The following DLG2 variants were observed in gnomAD, a reference collection of about 807,000 sequenced individuals.
The protein encoded by DLG2 is discs large MAGUK scaffold protein 2.
DLG2 carries 45 observed loss-of-function variants against 132.5 expected under a neutral mutation model. The ratio of observed to expected loss-of-function variants is 0.34; its 90% CI spans 0.27 to 0.44. The LOEUF (loss-of-function observed/expected upper bound fraction) is 0.44. Ranked by LOEUF, DLG2 falls within the 20% of genes least tolerant of loss-of-function variation. DLG2 has a pLI of 1.00. For missense variants in DLG2, 1,045 were observed against 1,196.9 expected (o/e 0.87, Z 1.87); for synonymous variants, 424 against 419.6 (o/e 1.01, Z -0.13).
At chr11:85,511,720 G>A (rs1231966772) in intron 3 of DLG2, among the ~76,000 whole-genome samples, 2 of 80,832 alleles carry the variant, frequency 2.5e-5, no homozygotes, top group African/African-American at 9.4e-5. Flanking sequence ...AATGTTTGAA[G>A]TTTCTTTTTT....
At chr11:84,636,807 G>A (rs1436852183) in intron 6 of DLG2, among the ~76,000 whole-genome samples, 2 of 147,348 alleles carry the variant, frequency 1.4e-5, no homozygotes, top group East Asian at 4.0e-4. Flanking sequence ...TTTAGAGGGC[G>A]TTTTGCTCTT....
chr11:83,973,193 T>C (rs1015777096), intron 12 of DLG2, among the ~76,000 whole-genome samples: 4 of 152,224 alleles, frequency 2.6e-5, no homozygotes, highest in Middle Eastern at 3.4e-3. Flanking sequence ...TAGTAATATA[T>C]ATGTAATTTA....
At chr11:83,672,882 G>T (rs2077062552) in intron 18 of DLG2, among the ~76,000 whole-genome samples, 1 of 152,134 alleles carries the variant, frequency 6.6e-6, no homozygotes, top group African/African-American at 2.4e-5. Flanking sequence ...CCAACATGGT[G>T]AAACCCGTCT....
chr11:84,055,237 A>C (rs12806160), intron 11 of DLG2, among the ~76,000 whole-genome samples: 123,778 of 151,622 alleles, frequency 0.82, 51,443 homozygotes, highest in Non-Finnish European at 0.92. Context: ...ACACCACCAT[A>C]TATTTTACCA....
At chr11:85,424,417 C>T (rs528656506) in intron 3 of DLG2, among the ~76,000 whole-genome samples, 10 of 152,312 alleles carry the variant, frequency 6.6e-5, no homozygotes, top group African/African-American at 1.4e-4. Flanking sequence ...GAGCTGCAAT[C>T]TAGTCCTACC....
intron 3 of DLG2, among the ~76,000 whole-genome samples, chr11:85,491,755 AATAAATAGAGAG>A (rs1393431174): frequency 6.6e-6 from 1 of 152,152 alleles, no homozygotes; most frequent in Admixed American, 6.6e-5. Flanking sequence ...GGAAGTCACA[AATAAATAGAGAG>A]ATATCCTATG....
chr11:85,511,815 C>T (rs1414259676), intron 3 of DLG2, among the ~76,000 whole-genome samples: 1 of 151,190 alleles, frequency 6.6e-6, no homozygotes, highest in Non-Finnish European at 1.5e-5. Flanking sequence ...AACTCCTGGG[C>T]TTAAGTGATC....
chr11:85,074,760 C>T (rs1025378907), intron 6 of DLG2, among the ~76,000 whole-genome samples: 1 of 151,834 alleles, frequency 6.6e-6, no homozygotes, highest in Non-Finnish European at 1.5e-5. Context: ...TAACTTCATG[C>T]TTTTGTGCGG....
At chr11:85,038,905 T>C (rs1292067840) in intron 6 of DLG2, among the ~76,000 whole-genome samples, 1 of 151,986 alleles carries the variant, frequency 6.6e-6, no homozygotes, top group African/African-American at 2.4e-5. Flanking sequence ...ATTTTTAAAA[T>C]ACCTTTTTTT....
chr11:84,810,516 C>T (rs1003840000), intron 6 of DLG2, among the ~76,000 whole-genome samples: 14 of 152,150 alleles, frequency 9.2e-5, no homozygotes, highest in African/African-American at 1.9e-4. Context: ...GAAACTGGAT[C>T]GCTCACATTC....
intron 14 of DLG2, among the ~76,000 whole-genome samples, chr11:83,935,230 G>T (rs2081194924): frequency 6.6e-6 from 1 of 152,158 alleles, no homozygotes; most frequent in Non-Finnish European, 1.5e-5. Context: ...AAAAAGGATT[G>T]TAACTTTAAA....
chr11:84,500,007 T>C (rs1017712725), intron 7 of DLG2, among the ~76,000 whole-genome samples: 20 of 152,286 alleles, frequency 1.3e-4, no homozygotes, highest in Admixed American at 4.6e-4. Flanking sequence ...AAGAATTGTA[T>C]TATTTTTCTG....
chr11:84,899,750 T>C (rs1374278413), intron 6 of DLG2, among the ~76,000 whole-genome samples: 3 of 152,110 alleles, frequency 2.0e-5, no homozygotes, highest in African/African-American at 7.2e-5. Flanking sequence ...AAGAATTGTC[T>C]GTGTGTGCTA....
intron 14 of DLG2, among the ~76,000 whole-genome samples, chr11:83,944,474 G>C (rs1158667760): frequency 1.3e-5 from 2 of 152,190 alleles, no homozygotes; most frequent in Non-Finnish European, 2.9e-5. Flanking sequence ...CTATTGTGAG[G>C]ATCTAGAGAA....
rs55650627 is a variant in DLG2, at chr11:84,278,047, G to GTTTTT, written c.520-26761_520-26757dup. Reference sequence around the variant, plus strand: ...TAGCTGGGACCACACGCCTGGCTAAGTTTTTTTTTTTTTTTTTTTTTTTTG... The same window carrying GTTTTT: ...TAGCTGGGACCACACGCCTGGCTAAGTTTTTTTTTTTTTTTTTTTTTTTTTTTTTG... On this transcript the variant is annotated intron_variant, in intron 7 of 27. Coordinates refer to ENST00000376104, the MANE Select transcript of DLG2 (RefSeq NM_001142699.3). Among the ~76,000 whole-genome samples the GTTTTT allele has an allele frequency of 2.2e-3, 219 of 99,596 alleles. 7 individuals carry two copies. The highest frequency in any genetic ancestry group is 5.8e-3 in the African/African-American group (151 of 26,088). 65.3% of individuals were successfully genotyped at this position (99,596 alleles called of 152,430 possible). A position where few individuals can be genotyped will look rare whatever the true frequency, so the allele number is the denominator to read the frequency against.
chr11:84,802,676 T>C lies in DLG2; in HGVS notation c.358-267945A>G, dbSNP rs145533588. On this transcript the variant is annotated intron_variant, in intron 6 of 27. Transcript: ENST00000376104. ...AAAAAACTCTGGGTGGTGCAGTCAA[T>C]AGTGGTAAGCCCTCTAGGCACTGAA... Among the ~76,000 whole-genome samples the C allele has an allele frequency of 3.1e-3, 449 of 146,422 alleles. 5 individuals are homozygous for C. The highest frequency in any genetic ancestry group is 7.4e-3 in the Admixed American group (109 of 14,758).
At chr11:85,480,622 A>T (rs1318105726) in intron 3 of DLG2, among the ~76,000 whole-genome samples, 1 of 152,248 alleles carries the variant, frequency 6.6e-6, no homozygotes, top group Non-Finnish European at 1.5e-5. Context: ...CAATAAATAA[A>T]TTCCCAAATG....
intron 3 of DLG2, among the ~76,000 whole-genome samples, chr11:85,311,084 G>A (rs2080284506): frequency 6.6e-6 from 1 of 152,236 alleles, no homozygotes; most frequent in Admixed American, 6.5e-5. Flanking sequence ...TTTCTCAAAT[G>A]TTATATAATA....
intron 4 of DLG2, among the ~76,000 whole-genome samples, chr11:85,266,773 G>T (rs930211415): frequency 1.3e-5 from 2 of 152,050 alleles, no homozygotes; most frequent in African/African-American, 2.4e-5. Flanking sequence ...TATTTTGTAC[G>T]CCCACTTTGC....
Sources: allele counts gnomAD v4.1 joint callset (sites outside exome capture counted in the v4.1 genomes callset), GRCh38; gene constraint gnomAD v4.1.1; transcripts MANE v1.5; gene names NCBI Gene and HGNC (gene_info 2026-07-23, HGNC 2026-07-21).